The following STXBP5L variants were observed in gnomAD, a reference collection of about 807,000 sequenced individuals.
STXBP5L encodes the protein syntaxin-binding protein 5-like.
A neutral mutation model predicts 144.5 loss-of-function variants in STXBP5L; 65 were observed. The ratio of observed to expected loss-of-function variants is 0.45; its 90% CI spans 0.37 to 0.55. The LOEUF (loss-of-function observed/expected upper bound fraction) is 0.55. Ranked by LOEUF, STXBP5L falls within the 20% of genes least tolerant of loss-of-function variation. The probability of loss-of-function intolerance (pLI) is 0.00; values close to 1 mark genes in which losing one functional copy is unlikely to be tolerated. For synonymous variants in STXBP5L, 505 were observed against 469.6 expected (o/e 1.08, Z -0.97); for missense variants, 1,298 against 1,405.5 (o/e 0.92, Z 1.22).
chr3:121,210,105 G>T (rs897466697), intron 10 of STXBP5L, among the ~76,000 whole-genome samples: 3 of 151,902 alleles, frequency 2.0e-5, no homozygotes, highest in Non-Finnish European at 4.4e-5. Context: ...GTTGTTTCCT[G>T]ACTTTTTAAT....
chr3:121,318,252 G>A (rs2043849314), intron 19 of STXBP5L, among the ~76,000 whole-genome samples: 1 of 151,666 alleles, frequency 6.6e-6, no homozygotes, highest in African/African-American at 2.4e-5. Flanking sequence ...CAGCCCAGGA[G>A]TTCAAGACCA....
At chr3:120,984,871 A>T (rs1046675346) in intron 3 of STXBP5L, among the ~76,000 whole-genome samples, 10 of 151,798 alleles carry the variant, frequency 6.6e-5, no homozygotes, top group African/African-American at 2.4e-4. Flanking sequence ...TTTTTATTAT[A>T]AAATGGTGTT....
chr3:121,182,403 A>T (rs978605959), intron 9 of STXBP5L, among the ~76,000 whole-genome samples: 9 of 152,242 alleles, frequency 5.9e-5, no homozygotes, highest in Non-Finnish European at 1.3e-4. Flanking sequence ...AAATTAAATA[A>T]TCTGCTCTTG....
At chr3:121,313,396 C>T (rs1489225711) in intron 19 of STXBP5L, among the ~76,000 whole-genome samples, 1 of 115,048 alleles carries the variant, frequency 8.7e-6, no homozygotes, top group Non-Finnish European at 1.8e-5. Flanking sequence ...GGGGGGCTGA[C>T]CCCCCACCTC....
chr3:120,977,364 C>G (rs145949225), intron 3 of STXBP5L, among the ~76,000 whole-genome samples: 2 of 152,250 alleles, frequency 1.3e-5, no homozygotes, highest in Non-Finnish European at 1.5e-5. Flanking sequence ...AGTAGGATTG[C>G]AACCCCTGCC....
At chr3:120,997,854 T>C (rs139641404) in intron 3 of STXBP5L, among the ~76,000 whole-genome samples, 86 of 152,278 alleles carry the variant, frequency 5.6e-4, no homozygotes, top group Non-Finnish European at 9.0e-4. Flanking sequence ...GCAAACTGAA[T>C]TCAGCGGCAC....
chr3:121,016,672 G>A (rs760658295), intron 3 of STXBP5L, among the ~76,000 whole-genome samples: 2 of 152,190 alleles, frequency 1.3e-5, no homozygotes, highest in Non-Finnish European at 2.9e-5. Context: ...GCAGAAGAAA[G>A]AGTGAGCAAA....
chr3:121,329,241 T>G (rs915549997), intron 20 of STXBP5L, among the ~76,000 whole-genome samples: 1 of 152,158 alleles, frequency 6.6e-6, no homozygotes, highest in Non-Finnish European at 1.5e-5. Flanking sequence ...AAAAGATTGC[T>G]TTTTGAAATG....
At position 120,927,734 on chromosome 3, in the gene STXBP5L, T is replaced by C. The variant is rs1709711214; in HGVS notation, c.189+17967T>C. On this transcript the variant is annotated intron_variant, in intron 2 of 26. Transcript: ENST00000471454. ...CTGACTTGTTCTTATATTTGAGTTT[T>C]GGGGTATTTCTGGTAATAATCTCAG... Among the ~76,000 whole-genome samples the C allele has an allele frequency of 5.9e-5, 9 of 152,158 alleles. No individual in the cohort carries two copies. In the South Asian group the frequency reaches 1.9e-3, roughly 32 times the overall value.
intron 9 of STXBP5L, among the ~76,000 whole-genome samples, chr3:121,190,882 C>A (rs1275467675): frequency 6.7e-6 from 1 of 150,280 alleles, no homozygotes; most frequent in African/African-American, 2.5e-5. Context: ...GGGGCAGAGA[C>A]ACTCCTCAGT....
At chr3:120,944,042 C>T (rs977247646) in intron 2 of STXBP5L, among the ~76,000 whole-genome samples, 1 of 151,300 alleles carries the variant, frequency 6.6e-6, no homozygotes, top group Non-Finnish European at 1.5e-5. Context: ...AAATTAGCCC[C>T]AGGGAACAAA....
chr3:121,001,000 C>T lies in STXBP5L; in HGVS notation c.288-40700C>T, dbSNP rs948917007. ...CATTTGATGTACTCAGCCGGGGTGGCGGGGGGAAGGGGGTAAGTGTTTCTG... is the reference window on the plus strand; with the variant it reads ...CATTTGATGTACTCAGCCGGGGTGGTGGGGGGAAGGGGGTAAGTGTTTCTG... On this transcript the variant is annotated intron_variant, in intron 3 of 26. Transcript: ENST00000471454. Among the ~76,000 whole-genome samples, 8 of 151,914 alleles carry T rather than the reference C, an allele frequency of 5.3e-5. 1 individual carries two copies. In the South Asian group the frequency reaches 6.2e-4, roughly 12 times the overall value.
intron 5 of STXBP5L, among the ~76,000 whole-genome samples, chr3:121,082,317 T>A (rs1417800265): frequency 6.6e-6 from 1 of 152,096 alleles, no homozygotes; most frequent in African/African-American, 2.4e-5. Context: ...GGCATACAAA[T>A]CATGTACATG....
intron 3 of STXBP5L, among the ~76,000 whole-genome samples, chr3:120,955,714 G>A (rs569541435): frequency 6.6e-6 from 1 of 152,068 alleles, no homozygotes; most frequent in South Asian, 2.1e-4. Context: ...CCAGGATATT[G>A]ACATTATACA....
At chr3:121,309,222 TA>T (rs1004328915) in intron 19 of STXBP5L, among the ~76,000 whole-genome samples, 2 of 151,980 alleles carry the variant, frequency 1.3e-5, no homozygotes, top group Non-Finnish European at 2.9e-5. Context: ...GACTTTTTTT[TA>T]AAAAATCAAG....
intron 9 of STXBP5L, among the ~76,000 whole-genome samples, chr3:121,178,478 T>C (rs1419548431): frequency 6.6e-6 from 1 of 152,170 alleles, no homozygotes; most frequent in Non-Finnish European, 1.5e-5. Context: ...GTAGGCATGA[T>C]AAAGCATCTT....
At chr3:121,013,781 A>G (rs1254476782) in intron 3 of STXBP5L, among the ~76,000 whole-genome samples, 1 of 151,996 alleles carries the variant, frequency 6.6e-6, no homozygotes, top group Non-Finnish European at 1.5e-5. Context: ...GAGATGTTAC[A>G]TTTAAGTCTT....
chr3:121,123,533 T>G (rs1320420763), intron 7 of STXBP5L, among the ~76,000 whole-genome samples: 5 of 151,556 alleles, frequency 3.3e-5, no homozygotes, highest in Non-Finnish European at 7.4e-5. Flanking sequence ...GAACATTGCC[T>G]TTATATTTGT....
chr3:121,168,704 C>G (rs1577101941), intron 9 of STXBP5L, among the ~76,000 whole-genome samples: 1 of 152,052 alleles, frequency 6.6e-6, no homozygotes, highest in African/African-American at 2.4e-5. Context: ...AAGGACCAAA[C>G]CTATGTTTGA....
Sources: gnomAD v4.1 joint callset for allele counts (sites outside exome capture counted in the v4.1 genomes callset) on GRCh38, gnomAD v4.1.1 for gene constraint, MANE v1.5 for transcripts, NCBI Gene and HGNC (gene_info 2026-07-23, HGNC 2026-07-21) for gene names.